Variants in GRAMD4 observed in about 807,000 individuals in gnomAD.
GRAMD4 encodes the protein GRAM domain containing 4, also known as GRAM domain-containing protein 4.
In GRAMD4, 25 loss-of-function variants were observed where a neutral mutation model predicts 83.9. The ratio of observed to expected loss-of-function variants is 0.30; its 90% CI spans 0.22 to 0.42. GRAMD4 has a LOEUF of 0.42. Ranked by LOEUF, GRAMD4 falls within the 10% of genes least tolerant of loss-of-function variation. The pLI is 1.00. For synonymous variants in GRAMD4, 336 were observed against 320.9 expected (o/e 1.05, Z -0.50); for missense variants, 593 against 788.7 (o/e 0.75, Z 2.97).
intron 3 of GRAMD4, among the ~76,000 whole-genome samples, chr22:46,641,135 C>T (rs1022598129): frequency 6.6e-6 from 1 of 152,024 alleles, no homozygotes; most frequent in Non-Finnish European, 1.5e-5. Flanking sequence ...TGCAGTGGTG[C>T]GATCTCGGCT....
chr22:46,677,503 G>A lies in GRAMD4; in HGVS notation c.*252G>A. The A allele has an allele frequency of 6.3e-6, 8 of 1,261,414 alleles. No homozygotes were observed. The highest frequency in any genetic ancestry group is 8.0e-6 in the Non-Finnish European group (8 of 998,604). The allele number at this position is 1,261,414 out of a possible 1,614,324, so 78.1% of individuals were successfully genotyped here. ...TCTGAGGGCCACCCGCAGACTGGGG[G>A]AGGGGGCAGAGGCCCTCGGGGGCCC... On this transcript the variant is annotated 3_prime_UTR_variant, in exon 19 of 19. Transcript: ENST00000406902.
chr22:46,668,307 C>T (rs931077803), intron 11 of GRAMD4, 140 bp downstream of exon 11: 18 of 624,276 alleles, frequency 2.9e-5, no homozygotes, highest in East Asian at 1.1e-4. Context: ...ACTGCAGGCC[C>T]GGTTTGTCCG....
chr22:46,615,425 A>G (rs1444135770), upstream of GRAMD4, among the ~76,000 whole-genome samples: 28 of 56,394 alleles, frequency 5.0e-4, no homozygotes, highest in East Asian at 1.5e-3. Flanking sequence ...GGGTTCCCCC[A>G]TGTGTAGGTT....
At chr22:46,666,234 G>A (rs972754717) in intron 9 of GRAMD4, among the ~76,000 whole-genome samples, 1 of 152,214 alleles carries the variant, frequency 6.6e-6, no homozygotes, top group Non-Finnish European at 1.5e-5. Context: ...GCTGAGGGGG[G>A]CTCTGGGAAG....
In GRAMD4 at chr22:46,677,444, G is replaced by A. The variant is rs1283117125; in HGVS notation, c.*193G>A. 1.5e-6 allele frequency: 2 copies of A among 1,352,910 alleles called. No individual in the cohort carries two copies. Among genetic ancestry groups the A allele is most frequent in the African/African-American group, 1.5e-5 (1 of 68,220 alleles). 83.8% of individuals were successfully genotyped at this position (1,352,910 alleles called of 1,614,324 possible). On this transcript the variant is annotated 3_prime_UTR_variant, in exon 19 of 19. Coordinates refer to ENST00000406902, the MANE Select transcript of GRAMD4 (RefSeq NM_015124.5). Reference sequence around the variant, plus strand: ...AAGGGGCCAGGGCTCACAGGGACGGGGGTGCCCCTCTCCCACAGGGCACGT... The same window carrying A: ...AAGGGGCCAGGGCTCACAGGGACGGAGGTGCCCCTCTCCCACAGGGCACGT...
In GRAMD4 at chr22:46,663,174, T is replaced by C; in HGVS notation, c.599+2T>C. ...AGAGGAACCCCTGAGCGCCCGCAGG[T>C]AGGGGTTCGCCGAGCTGGGGCTGCC... On this transcript the variant is annotated splice_donor_variant, in intron 6 of 18. Coordinates refer to ENST00000406902, the MANE Select transcript of GRAMD4 (RefSeq NM_015124.5). LOFTEE classifies it high-confidence loss of function. The C allele has an allele frequency of 6.2e-7, 1 of 1,609,618 alleles. No homozygotes were observed. Among genetic ancestry groups the C allele is most frequent in the Non-Finnish European group, 8.5e-7 (1 of 1,177,930 alleles).
At chr22:46,581,917 G>A (rs117768677) in intron 1 of GRAMD4, among the ~76,000 whole-genome samples, 3,954 of 152,324 alleles carry the variant, frequency 0.026, 69 homozygotes, top group Middle Eastern at 0.048. Context: ...TTGGCCTAGG[G>A]TATAGAAGCC....
At chr22:46,614,564 G>C (rs1463839906) in intron 1 of GRAMD4, among the ~76,000 whole-genome samples, 1 of 152,192 alleles carries the variant, frequency 6.6e-6, no homozygotes, top group Non-Finnish European at 1.5e-5. Context: ...ACACCAGCCA[G>C]CATCCGTGTG....
At chr22:46,626,995 G>A (rs2081672722) in intron 2 of GRAMD4, 34 bp downstream of exon 2, 1 of 1,509,204 alleles carries the variant, frequency 6.6e-7, no homozygotes, top group Non-Finnish European at 9.2e-7. Context: ...GGTGTGGGCT[G>A]GGGTGTCGTC....
At chr22:46,654,512 G>A (rs1433325106) in intron 3 of GRAMD4, among the ~76,000 whole-genome samples, 1 of 152,250 alleles carries the variant, frequency 6.6e-6, no homozygotes, top group Non-Finnish European at 1.5e-5. Context: ...GCTCCACGAG[G>A]GCGGGGGGCT....
chr22:46,592,427 T>G, intron 1 of GRAMD4, among the ~76,000 whole-genome samples: 1 of 147,874 alleles, frequency 6.8e-6, no homozygotes, highest in South Asian at 2.1e-4. Flanking sequence ...CTGGGAAACA[T>G]AGGGAGGAGG....
intron 2 of GRAMD4, among the ~76,000 whole-genome samples, chr22:46,629,203 C>A (rs2081727330): frequency 6.6e-6 from 1 of 152,154 alleles, no homozygotes; most frequent in Non-Finnish European, 1.5e-5. Flanking sequence ...CAGGCACTGA[C>A]TGCAGAGACC....
At chr22:46,635,700 TC>T (rs1197149909) in intron 2 of GRAMD4, among the ~76,000 whole-genome samples, 4 of 64,642 alleles carry the variant, frequency 6.2e-5, no homozygotes, top group Non-Finnish European at 8.2e-5. Context: ...TCCTCCCTGC[TC>T]CCCACCCCTG....
At chr22:46,657,552 C>T (rs1407706531) in intron 3 of GRAMD4, among the ~76,000 whole-genome samples, 1 of 152,236 alleles carries the variant, frequency 6.6e-6, no homozygotes, top group Non-Finnish European at 1.5e-5. Flanking sequence ...ACCTCTGACC[C>T]TGCCTCCTCC....
intron 2 of GRAMD4, among the ~76,000 whole-genome samples, chr22:46,632,992 G>C (rs1319532605): frequency 5.3e-5 from 8 of 152,190 alleles, no homozygotes; most frequent in African/African-American, 1.9e-4. Context: ...CCGCCCGGTG[G>C]GGATGGGGAT....
chr22:46,659,538 G>C lies in GRAMD4; in HGVS notation c.404+1231G>C, dbSNP rs1278240897. Among the ~76,000 whole-genome samples, 1 of 152,234 alleles carries C rather than the reference G, an allele frequency of 6.6e-6. No homozygotes were observed. Among genetic ancestry groups the C allele is most frequent in the Non-Finnish European group, 1.5e-5 (1 of 68,040 alleles). ...GCCTGCTATGAGCGCTCCGGGGGCCGTGTGTCATTGTCAGGACTCCAAGTG... is the reference window on the plus strand; with the variant it reads ...GCCTGCTATGAGCGCTCCGGGGGCCCTGTGTCATTGTCAGGACTCCAAGTG... On this transcript the variant is annotated intron_variant, in intron 4 of 18. Coordinates refer to ENST00000406902, the MANE Select transcript of GRAMD4 (RefSeq NM_015124.5). The surrounding 1 kb of genome is among the most constrained non-coding windows in gnomAD (Gnocchi z 4.1).
chr22:46,595,050 C>T (rs1304487068), intron 1 of GRAMD4, among the ~76,000 whole-genome samples: 1 of 152,140 alleles, frequency 6.6e-6, no homozygotes, highest in Non-Finnish European at 1.5e-5. Context: ...ACTGCGTGGC[C>T]TGGCGTCGAG....
chr22:46,673,628 G>T (rs150446642), intron 14 of GRAMD4, 42 bp from the exon 15 acceptor site: 2 of 1,595,188 alleles, frequency 1.3e-6, no homozygotes, highest in South Asian at 1.1e-5. Flanking sequence ...TGCTGCAGGC[G>T]TGGGCAGCGG....
intron 5 of GRAMD4, among the ~76,000 whole-genome samples, chr22:46,662,524 C>T (rs1241269220): frequency 6.6e-6 from 1 of 152,266 alleles, no homozygotes; most frequent in Non-Finnish European, 1.5e-5. Flanking sequence ...ACCGTGCGCT[C>T]ACCCTGGGCT....
Sources: gnomAD v4.1 joint callset for allele counts (sites outside exome capture counted in the v4.1 genomes callset) on GRCh38, gnomAD v4.1.1 for gene constraint, Gnocchi (gnomAD v3.1) non-coding constraint, MANE v1.5 for transcripts, NCBI Gene and HGNC (gene_info 2026-07-23, HGNC 2026-07-21) for gene names.